Variants in PTPRN2 observed in about 807,000 individuals in gnomAD.
PTPRN2 encodes the protein receptor-type tyrosine-protein phosphatase N2.
A neutral mutation model predicts 118.8 loss-of-function variants in PTPRN2; 74 were observed. The ratio of observed to expected loss-of-function variants is 0.62; its 90% CI spans 0.52 to 0.76. The LOEUF is 0.76. PTPRN2 is among the 30% of genes least tolerant of loss of function. The pLI, the probability that PTPRN2 is intolerant of heterozygous loss-of-function variation, is 0.00. For synonymous variants in PTPRN2, 641 were observed against 608.0 expected (o/e 1.05, Z -0.80); for missense variants, 1,481 against 1,394.4 (o/e 1.06, Z -0.99).
chr7:158,146,605 C>A, intron 6 of PTPRN2, among the ~76,000 whole-genome samples: 1 of 150,222 alleles, frequency 6.7e-6, no homozygotes, highest in Non-Finnish European at 1.5e-5. Context: ...CCTGTAGTCC[C>A]AGCTACTCAG....
chr7:157,927,980 T>G (rs1799124088), intron 11 of PTPRN2, among the ~76,000 whole-genome samples: 1 of 152,070 alleles, frequency 6.6e-6, no homozygotes, highest in African/African-American at 2.4e-5. Context: ...GCCCGACGCT[T>G]AGAGGGACTG....
chr7:157,718,726 C>T (rs2007913), intron 12 of PTPRN2, among the ~76,000 whole-genome samples: 77,321 of 132,098 alleles, frequency 0.59, 19,768 homozygotes, highest in Non-Finnish European at 0.63. Context: ...TCCAGGCGTC[C>T]GCGGTGACAC....
rs766757333 is a variant in PTPRN2, at chr7:157,615,691, A to G, written c.2344+5671T>C. The G allele has an allele frequency of 8.7e-5, 39 of 448,382 alleles. No individual in the cohort carries two copies. Among genetic ancestry groups the G allele is most frequent in the South Asian group, 6.3e-4 (39 of 61,622 alleles). 27.8% of individuals were successfully genotyped at this position (448,382 alleles called of 1,614,324 possible). A position where few individuals can be genotyped will look rare whatever the true frequency, so the allele number is the denominator to read the frequency against. ...AAAAACATGTTTATAAAACGAGCAG[A>G]TGGTGCCGAGCTGAGAGGGAGGTGA... On this transcript the variant is annotated intron_variant, in intron 15 of 22. Transcript: ENST00000389418. The surrounding 1 kb of genome is among the most constrained non-coding windows in gnomAD (Gnocchi z 4.3).
At chr7:157,656,924 G>A (rs145687703) in intron 13 of PTPRN2, among the ~76,000 whole-genome samples, 25,602 of 85,814 alleles carry the variant, frequency 0.3, 3,126 homozygotes, top group Non-Finnish European at 0.35. Context: ...ACACACACAC[G>A]CCACACACAC....
At chr7:157,600,001 A>C (rs1489257405) in intron 16 of PTPRN2, among the ~76,000 whole-genome samples, 3 of 54,684 alleles carry the variant, frequency 5.5e-5, no homozygotes, top group African/African-American at 8.4e-5. Context: ...CCACCTGCCC[A>C]CCTCTCCACC....
At chr7:157,882,317 A>G (rs551606072) in intron 12 of PTPRN2, among the ~76,000 whole-genome samples, 1 of 152,036 alleles carries the variant, frequency 6.6e-6, no homozygotes, top group East Asian at 1.9e-4. Flanking sequence ...ACTATCAGAG[A>G]TCAGAACACA....
chr7:158,107,128 G>A (rs1052494840), intron 10 of PTPRN2, among the ~76,000 whole-genome samples: 2 of 151,956 alleles, frequency 1.3e-5, no homozygotes, highest in South Asian at 2.1e-4. Flanking sequence ...GCCCCACATC[G>A]CTGCTGCCCC....
intron 11 of PTPRN2, among the ~76,000 whole-genome samples, chr7:157,931,753 A>G (rs1334610714): frequency 6.6e-6 from 1 of 152,124 alleles, no homozygotes; most frequent in Non-Finnish European, 1.5e-5. Context: ...ACTAGAGCTT[A>G]GCATAGACTG....
At chr7:157,753,239 T>A (rs1182345904) in intron 12 of PTPRN2, among the ~76,000 whole-genome samples, 1 of 152,072 alleles carries the variant, frequency 6.6e-6, no homozygotes, top group Non-Finnish European at 1.5e-5. Flanking sequence ...GTGCCAGGCA[T>A]GTCTGCTGTG....
At chr7:157,710,047 G>C (rs1798524998) in intron 12 of PTPRN2, among the ~76,000 whole-genome samples, 1 of 152,150 alleles carries the variant, frequency 6.6e-6, no homozygotes, top group South Asian at 2.1e-4. Context: ...GGACGCATGG[G>C]TGTGTCCCCA....
At chr7:157,914,509 G>A (rs1798285040) in intron 11 of PTPRN2, among the ~76,000 whole-genome samples, 2 of 152,140 alleles carry the variant, frequency 1.3e-5, no homozygotes, top group South Asian at 4.1e-4. Flanking sequence ...TGGATCATGT[G>A]TAAGATGTGT....
At chr7:158,342,897 C>T (rs943488894) in intron 2 of PTPRN2, among the ~76,000 whole-genome samples, 4 of 151,916 alleles carry the variant, frequency 2.6e-5, no homozygotes, top group Admixed American at 2.0e-4. Context: ...AATATTAAGT[C>T]CTTAGGGGCT....
In PTPRN2 at chr7:158,093,310, C is replaced by T. The variant is rs993363653; in HGVS notation, c.1644-11933G>A. 3.4e-5 allele frequency among the ~76,000 whole-genome samples: 5 copies of T among 148,624 alleles called. No homozygotes were observed. Among genetic ancestry groups the T allele is most frequent in the African/African-American group, 1.3e-4 (5 of 39,904 alleles). ...CCGACCCCCACACTGTAGACCCACA[C>T]GCAGGCCTGCACCGTCCTTTCCTGA... On this transcript the variant is annotated intron_variant, in intron 10 of 22. Coordinates refer to ENST00000389418, the MANE Select transcript of PTPRN2 (RefSeq NM_002847.5). The surrounding 1 kb of genome is among the most constrained non-coding windows in gnomAD (Gnocchi z 4.4).
chr7:157,710,040 C>A (rs369612652), intron 12 of PTPRN2, among the ~76,000 whole-genome samples: 1 of 152,092 alleles, frequency 6.6e-6, no homozygotes, highest in Non-Finnish European at 1.5e-5. Context: ...GGGGGTCGGA[C>A]GCATGGGTGT....
At chr7:157,646,550 C>T (rs1031623566) in intron 14 of PTPRN2, among the ~76,000 whole-genome samples, 5 of 152,204 alleles carry the variant, frequency 3.3e-5, no homozygotes, top group Non-Finnish European at 7.3e-5. Flanking sequence ...AGTGTGACAA[C>T]AGCCTAACAC....
rs170236 is a variant in PTPRN2 at position 157,553,994 on chromosome 7, T to A, written c.2903-4975A>T. Among the ~76,000 whole-genome samples, 5 of 59,240 alleles carry A rather than the reference T, an allele frequency of 8.4e-5. 1 individual carries two copies. Among genetic ancestry groups the A allele is most frequent in the East Asian group, 1.2e-3 (2 of 1,664 alleles). 38.9% of individuals were successfully genotyped at this position (59,240 alleles called of 152,430 possible). On this transcript the variant is annotated intron_variant, in intron 21 of 22. Transcript: ENST00000389418. ...GCCGGGCGCCGGATCCTGCCCGCTC[T>A]CGTGCCCTCCTGGGCATGGGTGCGG... is the stretch of plus-strand genomic sequence containing the variant.
At chr7:157,909,625 T>G (rs1383839693) in intron 11 of PTPRN2, among the ~76,000 whole-genome samples, 1 of 152,254 alleles carries the variant, frequency 6.6e-6, no homozygotes, top group Non-Finnish European at 1.5e-5. Context: ...ACCTGCTGTT[T>G]GTTCCTGACC....
chr7:158,273,020 C>G (rs1333625524), intron 3 of PTPRN2, among the ~76,000 whole-genome samples: 1 of 152,148 alleles, frequency 6.6e-6, no homozygotes, highest in Non-Finnish European at 1.5e-5. Context: ...CCATGGGCCT[C>G]CAAACAGCTC....
Position 158,022,419 on chromosome 7 carries a change from C to T in PTPRN2, c.1723+58879G>A, listed in dbSNP as rs1450558859. Reference sequence around the variant, plus strand: ...ACGGTGATTACTGAGGGAAGACCAGCGCAGCCCATGATGTGTTCACAGCCA... The same window carrying T: ...ACGGTGATTACTGAGGGAAGACCAGTGCAGCCCATGATGTGTTCACAGCCA... On this transcript the variant is annotated intron_variant, in intron 11 of 22. Coordinates refer to ENST00000389418, the MANE Select transcript of PTPRN2 (RefSeq NM_002847.5). The surrounding 1 kb of genome is among the most constrained non-coding windows in gnomAD (Gnocchi z 4.6). Among the ~76,000 whole-genome samples the T allele has an allele frequency of 6.6e-6, 1 of 152,200 alleles. No individual in the cohort carries two copies. The highest frequency in any genetic ancestry group is 2.4e-5 in the African/African-American group (1 of 41,464).
Sources: allele counts gnomAD v4.1 joint callset (sites outside exome capture counted in the v4.1 genomes callset), GRCh38; gene constraint gnomAD v4.1.1; non-coding constraint Gnocchi (gnomAD v3.1); transcripts MANE v1.5; gene names NCBI Gene and HGNC (gene_info 2026-07-23, HGNC 2026-07-21).